Variants in DHRS3 observed in about 807,000 individuals in gnomAD.
The protein encoded by DHRS3 is dehydrogenase/reductase 3.
In DHRS3, 14 loss-of-function variants were observed where a neutral mutation model predicts 27.2. The ratio of observed to expected loss-of-function variants is 0.52; its 90% confidence interval spans 0.34 to 0.81. DHRS3 has a LOEUF of 0.81. Ranked by LOEUF, DHRS3 falls within the 30% of genes least tolerant of loss-of-function variation. The pLI, the probability that DHRS3 is intolerant of heterozygous loss-of-function variation, is 0.01. For missense variants in DHRS3, 322 were observed against 406.2 expected (o/e 0.79, Z 1.78); for synonymous variants, 165 against 175.9 (o/e 0.94, Z 0.49).
intron 1 of DHRS3, among the ~76,000 whole-genome samples, chr1:12,581,613 G>A (rs1283880264): frequency 6.6e-6 from 1 of 152,162 alleles, no homozygotes; most frequent in East Asian, 1.9e-4. Flanking sequence ...ATTTATGAAT[G>A]GCCAGCCCAT....
At position 12,593,177 on chromosome 1, in the gene DHRS3, G is replaced by A. The variant is rs1354350838; in HGVS notation, c.196-12511C>T. 2.0e-5 allele frequency among the ~76,000 whole-genome samples: 3 copies of A among 152,144 alleles called. No homozygotes were observed. Among genetic ancestry groups the A allele is most frequent in the African/African-American group, 7.2e-5 (3 of 41,418 alleles). The stretch of plus-strand genomic sequence containing the variant: ...TGCCCATCTCACAGACTGGAATCTA[G>A]TGTTTACTGGGATCGCAGGCCCTTC... On this transcript the variant is annotated intron_variant, in intron 1 of 5. Transcript: ENST00000616661. The surrounding 1 kb of genome is among the most constrained non-coding windows in gnomAD (Gnocchi z 4.6).
At chr1:12,577,438 C>T (rs1646599676) in intron 4 of DHRS3, among the ~76,000 whole-genome samples, 1 of 152,196 alleles carries the variant, frequency 6.6e-6, no homozygotes, top group African/African-American at 2.4e-5. Context: ...AGTCACCACC[C>T]CAGGTGGCAT....
intron 1 of DHRS3, chr1:12,616,921 A>G: frequency 1.2e-6 from 1 of 866,660 alleles, no homozygotes; most frequent in East Asian, 3.0e-5. Context: ...ATAGCCAGTC[A>G]GCCAGCCACC....
intron 1 of DHRS3, among the ~76,000 whole-genome samples, chr1:12,587,371 G>A (rs1570374759): frequency 6.6e-6 from 1 of 151,696 alleles, no homozygotes; most frequent in East Asian, 1.9e-4. Context: ...TCAAGCTCCT[G>A]GGGCTCAAGT....
At chr1:12,596,528 G>C (rs976415265) in intron 1 of DHRS3, among the ~76,000 whole-genome samples, 3 of 152,162 alleles carry the variant, frequency 2.0e-5, no homozygotes, top group Admixed American at 6.5e-5. Flanking sequence ...TCCGAAGCAG[G>C]GGGCCTGTTT....
chr1:12,601,884 T>TTAGAACAGTCCCTGGCACACA (rs1553141992), intron 1 of DHRS3, among the ~76,000 whole-genome samples: 1 of 152,210 alleles, frequency 6.6e-6, no homozygotes, highest in Admixed American at 6.5e-5. Flanking sequence ...GTGTCAGGGC[T>TTAGAACAGTCCCTGGCACACA]TAGAACAGTC....
intron 5 of DHRS3, among the ~76,000 whole-genome samples, chr1:12,569,214 TC>T (rs200570077): frequency 0.58 from 81,375 of 139,788 alleles, 22,700 homozygotes; most frequent in East Asian, 0.65. Context: ...TAAAACTCTG[TC>T]CCCTCTCTCT....
intron 4 of DHRS3, 150 bp from the exon 5 acceptor site, chr1:12,573,003 C>A: frequency 2.0e-6 from 2 of 1,007,940 alleles, no homozygotes; most frequent in Non-Finnish European, 2.8e-6. Flanking sequence ...CTACCCCACA[C>A]CCATCCAGGT....
chr1:12,606,884 C>T (rs1036380046), intron 1 of DHRS3, among the ~76,000 whole-genome samples: 2 of 152,146 alleles, frequency 1.3e-5, no homozygotes, highest in African/African-American at 4.8e-5. Context: ...TTAACCACTA[C>T]AATCCTGAAG....
At chr1:12,610,533 G>A (rs1646902001) in intron 1 of DHRS3, among the ~76,000 whole-genome samples, 1 of 152,182 alleles carries the variant, frequency 6.6e-6, no homozygotes, top group African/African-American at 2.4e-5. Flanking sequence ...TAAATGTGCT[G>A]AATGTATGAA....
chr1:12,570,852 C>A (rs998754235), intron 5 of DHRS3, among the ~76,000 whole-genome samples: 1 of 152,200 alleles, frequency 6.6e-6, no homozygotes, highest in African/African-American at 2.4e-5. Context: ...CCCTGGGTGC[C>A]CCCTTCCCTG....
intron 1 of DHRS3, among the ~76,000 whole-genome samples, chr1:12,603,600 C>T (rs1024307054): frequency 2.0e-5 from 3 of 152,070 alleles, no homozygotes; most frequent in South Asian, 2.1e-4. Context: ...CGCTGAGGTC[C>T]GCATGGGGAC....
Position 12,574,167 on chromosome 1 carries a change from C to T in DHRS3, c.699-1314G>A, listed in dbSNP as rs1364209804. 6.6e-6 allele frequency among the ~76,000 whole-genome samples: 1 copy of T among 152,036 alleles called. No individual in the cohort carries two copies. Among genetic ancestry groups the T allele is most frequent in the African/African-American group, 2.4e-5 (1 of 41,370 alleles). On this transcript the variant is annotated intron_variant, in intron 4 of 5. Coordinates refer to ENST00000616661, the MANE Select transcript of DHRS3 (RefSeq NM_004753.7). The surrounding 1 kb of genome is among the most constrained non-coding windows in gnomAD (Gnocchi z 4.6). ...TTCCTTTGTCATCACAATGATGATTCTTTTTTTATTTTTTATTTTTGAGTC... is the reference window on the plus strand; with the variant it reads ...TTCCTTTGTCATCACAATGATGATTTTTTTTTTATTTTTTATTTTTGAGTC...
chr1:12,600,831 C>G (rs1646830892), intron 1 of DHRS3, among the ~76,000 whole-genome samples: 1 of 152,202 alleles, frequency 6.6e-6, no homozygotes, highest in Non-Finnish European at 1.5e-5. Context: ...TATCTATCGT[C>G]TAGAAAAGTT....
At chr1:12,572,331 C>A (rs1053326857) in intron 5 of DHRS3, among the ~76,000 whole-genome samples, 1 of 152,164 alleles carries the variant, frequency 6.6e-6, no homozygotes, top group East Asian at 1.9e-4. Context: ...CCATGCCCAG[C>A]TACTTTCTTT....
intron 1 of DHRS3, among the ~76,000 whole-genome samples, chr1:12,590,427 C>T (rs1327586943): frequency 6.6e-6 from 1 of 152,188 alleles, no homozygotes; most frequent in African/African-American, 2.4e-5. Context: ...TCTCCTGCCT[C>T]AGCCTCCCGA....
intron 1 of DHRS3, among the ~76,000 whole-genome samples, chr1:12,581,766 CCTAA>C (rs1160029315): frequency 2.0e-5 from 3 of 152,124 alleles, no homozygotes; most frequent in Non-Finnish European, 4.4e-5. Flanking sequence ...GACCAAGAGC[CCTAA>C]CTAAGAACCA....
Position 12,609,713 on chromosome 1 carries a change from C to T in DHRS3, c.195+7441G>A, listed in dbSNP as rs1292146748. Among the ~76,000 whole-genome samples the T allele has an allele frequency of 3.9e-5, 6 of 152,314 alleles. No homozygotes were observed. The East Asian group carries it at 9.7e-4, about 25-fold the overall frequency. ...TGCCTGTCACAGCAGCCAGGGGATC[C>T]TGCTAAGGCTTGGGTGAGGGCATGA... is the stretch of plus-strand genomic sequence containing the variant. On this transcript the variant is annotated intron_variant, in intron 1 of 5. Transcript: ENST00000616661.
Position 12,574,497 on chromosome 1 carries a change from C to T in DHRS3, c.699-1644G>A, listed in dbSNP as rs528145654. 4.6e-5 allele frequency among the ~76,000 whole-genome samples: 7 copies of T among 152,288 alleles called. No individual in the cohort carries two copies. The highest frequency in any genetic ancestry group is 2.1e-4 in the South Asian group (1 of 4,818). On this transcript the variant is annotated intron_variant, in intron 4 of 5. Transcript: ENST00000616661. The surrounding 1 kb of genome is among the most constrained non-coding windows in gnomAD (Gnocchi z 4.6). Reference sequence around the variant, plus strand: ...ATGATGGTGATTCTGAGGCCCACAGCCCTGTGGTCAAGAGGGGCCAGCCTC... The same window carrying T: ...ATGATGGTGATTCTGAGGCCCACAGTCCTGTGGTCAAGAGGGGCCAGCCTC...
Sources: allele counts gnomAD v4.1 joint callset (sites outside exome capture counted in the v4.1 genomes callset), GRCh38; gene constraint gnomAD v4.1.1; non-coding constraint Gnocchi (gnomAD v3.1); transcripts MANE v1.5; gene names NCBI Gene and HGNC (gene_info 2026-07-23, HGNC 2026-07-21).